The following TXNRD2 variants were observed in gnomAD, a reference collection of about 807,000 sequenced individuals.
The protein encoded by TXNRD2 is thioredoxin reductase 2, mitochondrial.
TXNRD2 carries 67 observed loss-of-function variants against 70.8 expected under a neutral mutation model. The ratio of observed to expected loss-of-function variants is 0.95; its 90% CI spans 0.78 to 1.16. TXNRD2 has a LOEUF of 1.16. Ranked by LOEUF, TXNRD2 falls within the 50% of genes most tolerant of loss-of-function variation. The pLI is 0.00. For synonymous variants in TXNRD2, 301 were observed against 295.8 expected (o/e 1.02, Z -0.18); for missense variants, 644 against 719.9 (o/e 0.89, Z 1.21).
At chr22:19,898,472 G>T (rs927665111) in intron 9 of TXNRD2, among the ~76,000 whole-genome samples, 4 of 149,420 alleles carry the variant, frequency 2.7e-5, no homozygotes, top group African/African-American at 7.4e-5. Flanking sequence ...CCAGGCAGCT[G>T]CTTTCTTCCA....
At chr22:19,894,093 A>G (rs1569079636) in intron 11 of TXNRD2, 3 of 152,250 alleles carry the variant, frequency 2.0e-5, no homozygotes, top group Non-Finnish European at 4.4e-5. Context: ...TGCTACACAA[A>G]TGCTAACTCT....
chr22:19,914,837 G>A (rs1292610434), intron 7 of TXNRD2: 9 of 282,680 alleles, frequency 3.2e-5, no homozygotes, highest in South Asian at 3.1e-4. Context: ...TAAACTGGGG[G>A]ACGTGAAGGA....
At chr22:19,927,794 A>G (rs1046049160) in intron 2 of TXNRD2, among the ~76,000 whole-genome samples, 3 of 152,162 alleles carry the variant, frequency 2.0e-5, no homozygotes, top group African/African-American at 7.2e-5. Flanking sequence ...GCCTGACTCC[A>G]GTATGCACAA....
intron 8 of TXNRD2, among the ~76,000 whole-genome samples, chr22:19,900,224 A>T (rs1939708922): frequency 6.6e-6 from 1 of 152,116 alleles, no homozygotes; most frequent in South Asian, 2.1e-4. Context: ...AGGACAGCGA[A>T]GGGGGACCCT....
intron 2 of TXNRD2, among the ~76,000 whole-genome samples, chr22:19,921,923 T>C (rs1409540184): frequency 6.6e-6 from 1 of 152,172 alleles, no homozygotes; most frequent in Non-Finnish European, 1.5e-5. Context: ...GCCCCAGTAG[T>C]TGAGAATCAT....
At chr22:19,909,499 T>TCACA (rs577457850) in intron 8 of TXNRD2, among the ~76,000 whole-genome samples, 266 of 141,496 alleles carry the variant, frequency 1.9e-3, no homozygotes, top group African/African-American at 6.3e-3. Flanking sequence ...GACACACCAC[T>TCACA]CACACACACA....
chr22:19,911,114 A>T, intron 8 of TXNRD2: 1 of 528,420 alleles, frequency 1.9e-6, no homozygotes. Flanking sequence ...AGATTTTTGT[A>T]GAGTAGAGGT....
intron 8 of TXNRD2, chr22:19,911,103 C>T (rs1940388441): frequency 4.1e-6 from 2 of 484,502 alleles, no homozygotes; most frequent in Non-Finnish European, 7.5e-6. Context: ...AAAACCAAAA[C>T]AGATTTTTGT....
At chr22:19,889,909 C>CTT (rs5844399) in intron 11 of TXNRD2, among the ~76,000 whole-genome samples, 7 of 150,270 alleles carry the variant, frequency 4.7e-5, no homozygotes, top group Admixed American at 6.6e-5. Flanking sequence ...CCATGTTGTT[C>CTT]TTTTTTTTTT....
chr22:19,930,894 A>T, intron 2 of TXNRD2, 136 bp downstream of exon 2: 1 of 789,856 alleles, frequency 1.3e-6, no homozygotes, highest in Non-Finnish European at 2.2e-6. Flanking sequence ...GGAACAAGCC[A>T]CAACACAGAG....
intron 1 of TXNRD2, among the ~76,000 whole-genome samples, chr22:19,931,883 A>G (rs752032981): frequency 6.6e-6 from 1 of 152,058 alleles, no homozygotes; most frequent in African/African-American, 2.4e-5. Flanking sequence ...AGCACAGGCT[A>G]GGGGCGGTAG....
rs1234678161 is a variant in TXNRD2, at chr22:19,911,299, AC to A, written c.662+77del. The A allele has an allele frequency of 6.0e-5, 71 of 1,191,840 alleles. No homozygotes were observed. In the African/African-American group the frequency reaches 1.0e-3, roughly 17 times the overall value. The allele number at this position is 1,191,840 out of a possible 1,614,324, so 73.8% of individuals were successfully genotyped here. On this transcript the variant is annotated intron_variant, in intron 8 of 17. Coordinates refer to ENST00000400521, the MANE Select transcript of TXNRD2 (RefSeq NM_006440.5). Reference sequence around the variant, plus strand: ...GGAAAGAAAGCCCCAGGAGCCCAGCACCAGCACAGGCTCTAAGGGTCCAGTG... The same window carrying A: ...GGAAAGAAAGCCCCAGGAGCCCAGCACAGCACAGGCTCTAAGGGTCCAGTG...
chr22:19,876,898 G>A (rs139783044), intron 17 of TXNRD2, 142 bp downstream of exon 17: 4 of 550,744 alleles, frequency 7.3e-6, no homozygotes, highest in East Asian at 3.1e-5. Flanking sequence ...CACCGCTGTG[G>A]CCTGGTTACA....
chr22:19,898,990 A>G (rs1418343581), intron 9 of TXNRD2, 59 bp downstream of exon 9: 1 of 1,599,860 alleles, frequency 6.3e-7, no homozygotes, highest in Non-Finnish European at 8.5e-7. Flanking sequence ...GCAGGGAGGG[A>G]CTCAAGGGAA....
chr22:19,924,982 A>G lies in TXNRD2; in HGVS notation c.173-5383T>C, dbSNP rs780140728. On this transcript the variant is annotated intron_variant, in intron 2 of 17. Transcript: ENST00000400521. ...GAGGGGCAAAATTTTTAAAGTACTG[A>G]AAAAAAAAAAAAAAGCGGGGGGCCA... is the stretch of plus-strand genomic sequence containing the variant. Among the ~76,000 whole-genome samples, 597 of 68,246 alleles carry G rather than the reference A, an allele frequency of 8.7e-3. 4 individuals are homozygous for G. The highest frequency in any genetic ancestry group is 0.022 in the South Asian group (38 of 1,724). 44.8% of individuals were successfully genotyped at this position (68,246 alleles called of 152,430 possible). A position where few individuals can be genotyped will look rare whatever the true frequency, so the allele number is the denominator to read the frequency against.
At position 19,886,070 on chromosome 22, in the gene TXNRD2, C is replaced by T. The variant is rs531663696; in HGVS notation, c.950-2609G>A. 1.9e-3 allele frequency among the ~76,000 whole-genome samples: 288 copies of T among 152,320 alleles called. 2 individuals carry two copies. The highest frequency in any genetic ancestry group is 0.011 in the South Asian group (51 of 4,830). ...TGGATGGCCAGGGGAGAGTGGGCTGCGCGGCACAGACACGCCTGGCCCTGC... is the reference window on the plus strand; with the variant it reads ...TGGATGGCCAGGGGAGAGTGGGCTGTGCGGCACAGACACGCCTGGCCCTGC... On this transcript the variant is annotated intron_variant, in intron 11 of 17. Transcript: ENST00000400521.
intron 7 of TXNRD2, 141 bp from the exon 8 acceptor site, chr22:19,911,588 T>C: frequency 1.4e-6 from 1 of 726,560 alleles, no homozygotes; most frequent in Admixed American, 2.0e-5. Flanking sequence ...CTGCCAGTCC[T>C]TGTCTGCAGG....
chr22:19,936,771 T>A (rs1941552444), intron 1 of TXNRD2, among the ~76,000 whole-genome samples: 1 of 152,160 alleles, frequency 6.6e-6, no homozygotes, highest in Non-Finnish European at 1.5e-5. Flanking sequence ...TCCGACCCCG[T>A]CAATCTCAGT....
At chr22:19,891,659 C>T (rs1190584776) in intron 11 of TXNRD2, 3 of 152,194 alleles carry the variant, frequency 2.0e-5, no homozygotes, top group Non-Finnish European at 4.4e-5. Context: ...AATTCGAGCC[C>T]GCAGCAGTGC....
Sources: gnomAD v4.1 joint callset for allele counts (sites outside exome capture counted in the v4.1 genomes callset) on GRCh38, gnomAD v4.1.1 for gene constraint, MANE v1.5 for transcripts, NCBI Gene and HGNC (gene_info 2026-07-23, HGNC 2026-07-21) for gene names.